The following DNMT3A variants were observed in gnomAD, a reference collection of about 807,000 sequenced individuals.
The protein encoded by DNMT3A is DNA (cytosine-5)-methyltransferase 3A.
Under a neutral mutation model 117.6 loss-of-function variants are expected in DNMT3A, and 267 were observed. The ratio of observed to expected loss-of-function variants is 2.27; its 90% CI spans 2.05 to 2.51. The LOEUF (loss-of-function observed/expected upper bound fraction) is 2.51, where lower values mean the gene tolerates loss of function less well. Among genes scored for constraint, DNMT3A ranks in the 30% most tolerant of loss-of-function variants. The pLI is 0.00. For synonymous variants in DNMT3A, 432 were observed against 474.8 expected, an observed-to-expected ratio of 0.91 and a Z score of 1.17; for missense variants, 1,029 against 1,260.2, an observed-to-expected ratio of 0.82 and a Z score of 2.78.
chr2:25,341,907 C>T lies in DNMT3A; in HGVS notation c.-259G>A. 1 of 978,958 alleles carries T rather than the reference C, an allele frequency of 1.0e-6. No individual in the cohort carries two copies. Among genetic ancestry groups the T allele is most frequent in the Non-Finnish European group, 1.2e-6 (1 of 826,694 alleles). The allele number at this position is 978,958 out of a possible 1,614,324, so 60.6% of individuals were successfully genotyped here. On this transcript the variant is annotated 5_prime_UTR_variant, in exon 1 of 23. Transcript: ENST00000321117. Reference sequence around the variant, plus strand: ...CGTCCCGGCTCGTCCTCTGCTCTCGCCGCCGCCGCCGCCCGCGCGCCCTCC... The same window carrying T: ...CGTCCCGGCTCGTCCTCTGCTCTCGTCGCCGCCGCCGCCCGCGCGCCCTCC...
intron 3 of DNMT3A, among the ~76,000 whole-genome samples, chr2:25,292,189 TA>T (rs541744126): frequency 2.5e-4 from 36 of 145,596 alleles, no homozygotes; most frequent in African/African-American, 4.3e-4. Flanking sequence ...CTTCGACCCT[TA>T]AAAAAAAAAA....
intron 2 of DNMT3A, among the ~76,000 whole-genome samples, chr2:25,300,970 C>A (rs2033480052): frequency 6.6e-6 from 1 of 151,080 alleles, no homozygotes; most frequent in Non-Finnish European, 1.5e-5. Context: ...TAATGAATCA[C>A]CTTTATTGAA....
intron 3 of DNMT3A, among the ~76,000 whole-genome samples, chr2:25,297,518 T>G (rs7585518): frequency 2.7e-5 from 4 of 149,268 alleles, no homozygotes; most frequent in Non-Finnish European, 5.9e-5. Flanking sequence ...TTTTTTTTTT[T>G]TTTTTTTTTT....
At chr2:25,239,098 A>G in intron 20 of DNMT3A, 32 bp downstream of exon 20, 1 of 1,606,820 alleles carries the variant, frequency 6.2e-7, no homozygotes, top group Non-Finnish European at 8.5e-7. Flanking sequence ...GTCCCAGCCC[A>G]CAGCCCCCCA....
chr2:25,258,011 C>G (rs1248401766), intron 6 of DNMT3A, among the ~76,000 whole-genome samples: 1 of 152,164 alleles, frequency 6.6e-6, no homozygotes, highest in East Asian at 1.9e-4. Flanking sequence ...CCAGGTGAGC[C>G]CTCCTCTGGG....
chr2:25,331,481 A>T (rs2035010878), intron 1 of DNMT3A, among the ~76,000 whole-genome samples: 1 of 152,208 alleles, frequency 6.6e-6, no homozygotes, highest in African/African-American at 2.4e-5. Flanking sequence ...AGAGTGACGG[A>T]AAGGCTGGAC....
chr2:25,294,459 C>G lies in DNMT3A; in HGVS notation c.177+5680G>C, dbSNP rs531624319. Reference sequence around the variant, plus strand: ...AGGCTCGCAGGAAGAAAAGCCACCTCTAGGGGTGGGCCAAGGGCTGCAGCC... The same window carrying G: ...AGGCTCGCAGGAAGAAAAGCCACCTGTAGGGGTGGGCCAAGGGCTGCAGCC... On this transcript the variant is annotated intron_variant, in intron 3 of 22. Transcript: ENST00000321117. This position sits in a 1 kb window ranked among gnomAD's most constrained non-coding sequence, Gnocchi z 4.7. Among the ~76,000 whole-genome samples the G allele has an allele frequency of 2.2e-4, 34 of 152,272 alleles. No homozygotes were observed. Among genetic ancestry groups the G allele is most frequent in the African/African-American group, 7.9e-4 (33 of 41,552 alleles).
At chr2:25,277,985 A>C (rs1429012376) in intron 4 of DNMT3A, among the ~76,000 whole-genome samples, 2 of 143,736 alleles carry the variant, frequency 1.4e-5, no homozygotes, top group Non-Finnish European at 1.5e-5. Flanking sequence ...GACTCTGCGC[A>C]TGCCCACTTG....
chr2:25,250,970 C>G (rs1391406079), intron 6 of DNMT3A, among the ~76,000 whole-genome samples: 2 of 152,210 alleles, frequency 1.3e-5, no homozygotes, highest in African/African-American at 4.8e-5. Flanking sequence ...AGCCCCTTCA[C>G]AGCGAGTTCC....
In DNMT3A at chr2:25,240,704, CAG is replaced by C; in HGVS notation, c.2107_2108del (p.Leu703GlyfsTer9). 6.2e-7 allele frequency: 1 copy of C among 1,614,198 alleles called. No individual in the cohort carries two copies. The highest frequency in any genetic ancestry group is 8.5e-7 in the Non-Finnish European group (1 of 1,180,036). On this transcript the variant is annotated frameshift_variant, in exon 18 of 23. Transcript: ENST00000321117. LOFTEE classifies it high-confidence loss of function. ...KHIQEWGPFD[L>X]VIGGSPCNDL... ...CATTGCAGGGACTGCCCCCAATCAC[CAG>C]ATCGAATGGGCCCCACTCCTGGATC... is the stretch of plus-strand genomic sequence containing the variant.
chr2:25,249,539 T>A lies in DNMT3A; in HGVS notation c.640-1287A>T, dbSNP rs964967778. 4 of 1,133,446 alleles carry A rather than the reference T, an allele frequency of 3.5e-6. No homozygotes were observed. In the Admixed American group the frequency reaches 7.2e-5, roughly 20 times the overall value. The allele number at this position is 1,133,446 out of a possible 1,614,324, so 70.2% of individuals were successfully genotyped here. On this transcript the variant is annotated intron_variant, in intron 6 of 22. Coordinates refer to ENST00000321117, the MANE Select transcript of DNMT3A (RefSeq NM_022552.5). ...CCTTCAGATCCATAAATACATGTAT[T>A]CATTCAGTTATTTACTGAGCAGGCA...
Position 25,247,491 on chromosome 2 carries a change from T to A in DNMT3A, c.1014+100A>T. 1 of 1,531,988 alleles carries A rather than the reference T, an allele frequency of 6.5e-7. No individual in the cohort carries two copies. The highest frequency in any genetic ancestry group is 8.8e-7 in the Non-Finnish European group (1 of 1,132,368). The allele number at this position is 1,531,988 out of a possible 1,614,324, so 94.9% of individuals were successfully genotyped here. A position where few individuals can be genotyped will look rare whatever the true frequency, so the allele number is the denominator to read the frequency against. ...CAGAGTAGGGGTGAGCAGAACCCACTTCCATCACCCCAATTCCAGACTGCC... is the reference window on the plus strand; with the variant it reads ...CAGAGTAGGGGTGAGCAGAACCCACATCCATCACCCCAATTCCAGACTGCC... On this transcript the variant is annotated intron_variant, in intron 8 of 22. Coordinates refer to ENST00000321117, the MANE Select transcript of DNMT3A (RefSeq NM_022552.5). The surrounding 1 kb of genome is among the most constrained non-coding windows in gnomAD (Gnocchi z 5.6).
chr2:25,247,080 A>C lies in DNMT3A; in HGVS notation c.1093T>G (p.Tyr365Asp), dbSNP rs1315257786. 1 of 1,614,138 alleles carries C rather than the reference A, an allele frequency of 6.2e-7. No individual in the cohort carries two copies. Among genetic ancestry groups the C allele is most frequent in the Non-Finnish European group, 8.5e-7 (1 of 1,179,988 alleles). ...HQATYNKQPM[Y>D]RKAIYEVLQV... Reference sequence around the variant, plus strand: ...AGGACCTCGTAGATGGCTTTGCGGTACATGGGCTGCTTGTTGTACGTGGCC... The same window carrying C: ...AGGACCTCGTAGATGGCTTTGCGGTCCATGGGCTGCTTGTTGTACGTGGCC... Residue 365 changes from tyrosine (Y) to aspartate (D), a missense_variant, in exon 9 of 23, where the codon TAC becomes GAC. Coordinates refer to ENST00000321117, the MANE Select transcript of DNMT3A (RefSeq NM_022552.5). The surrounding 1 kb of genome is among the most constrained non-coding windows in gnomAD (Gnocchi z 5.6).
At chr2:25,280,403 C>G (rs1455937833) in intron 4 of DNMT3A, among the ~76,000 whole-genome samples, 1 of 149,438 alleles carries the variant, frequency 6.7e-6, no homozygotes, top group African/African-American at 2.5e-5. Context: ...CTCCTTTGCT[C>G]TCTGCACTCT....
Position 25,306,069 on chromosome 2 carries a change from T to C in DNMT3A, c.73-5826A>G, listed in dbSNP as rs1310891751. On this transcript the variant is annotated intron_variant, in intron 2 of 22. Transcript: ENST00000321117. This position sits in a 1 kb window ranked among gnomAD's most constrained non-coding sequence, Gnocchi z 4.1. Reference sequence around the variant, plus strand: ...GCCTCCCAGGGACTGTCTGTGGTCATGGAATTCAGTGAAACGAATTGGCTT... The same window carrying C: ...GCCTCCCAGGGACTGTCTGTGGTCACGGAATTCAGTGAAACGAATTGGCTT... Among the ~76,000 whole-genome samples the C allele has an allele frequency of 6.6e-6, 1 of 152,228 alleles. No homozygotes were observed. The highest frequency in any genetic ancestry group is 1.9e-4 in the East Asian group (1 of 5,194).
chr2:25,243,601 T>C (rs923418275), intron 16 of DNMT3A, among the ~76,000 whole-genome samples: 1 of 152,376 alleles, frequency 6.6e-6, no homozygotes, highest in East Asian at 1.9e-4. Context: ...TTTGAGGCTC[T>C]GTGAAATCTC....
chr2:25,263,573 T>C (rs764941602), intron 6 of DNMT3A, among the ~76,000 whole-genome samples: 6 of 152,164 alleles, frequency 3.9e-5, no homozygotes, highest in Non-Finnish European at 8.8e-5. Flanking sequence ...GGCCTCTTAA[T>C]AAAGCGGCAG....
At chr2:25,277,770 G>C (rs945380615) in intron 4 of DNMT3A, among the ~76,000 whole-genome samples, 15 of 152,204 alleles carry the variant, frequency 9.9e-5, no homozygotes, top group African/African-American at 3.1e-4. Flanking sequence ...TGAGACCTGG[G>C]GGGTGGAGTG....
At chr2:25,325,168 T>C (rs1191421047) in intron 1 of DNMT3A, among the ~76,000 whole-genome samples, 1 of 152,060 alleles carries the variant, frequency 6.6e-6, no homozygotes, top group African/African-American at 2.4e-5. Flanking sequence ...CTAAAATAGA[T>C]GCTGTTAAGG....
Sources: gnomAD v4.1 joint callset for allele counts (sites outside exome capture counted in the v4.1 genomes callset) on GRCh38, gnomAD v4.1.1 for gene constraint, Gnocchi (gnomAD v3.1) non-coding constraint, MANE v1.5 for transcripts, NCBI Gene and HGNC (gene_info 2026-07-23, HGNC 2026-07-21) for gene names.